The following AHDC1 variants were observed in gnomAD, a reference collection of about 807,000 sequenced individuals.
AHDC1 encodes the protein AT-hook DNA binding motif containing 1, also known as transcription factor Gibbin.
AHDC1 carries 7 observed loss-of-function variants against 87.9 expected under a neutral mutation model. The observed-to-expected ratio is 0.08, with a 90% CI of 0.05 to 0.15. AHDC1 has a LOEUF of 0.15. Ranked by LOEUF, AHDC1 falls within the 10% of genes least tolerant of loss-of-function variation. The pLI, the probability that AHDC1 is intolerant of heterozygous loss-of-function variation, is 1.00. For synonymous variants in AHDC1, 1,051 were observed against 1,006.8 expected, an observed-to-expected ratio of 1.04 and a Z score of -0.83; for missense variants, 1,841 against 2,253.2, an observed-to-expected ratio of 0.82 and a Z score of 3.70.
chr1:27,561,863 T>A lies in AHDC1; in HGVS notation c.-628-2980A>T, dbSNP rs531536211. ...AAACACAAAAGCAGAGACGGACTGG[T>A]GATGAGGGGCTCATGGAAGAAGGGA... On this transcript the variant is annotated intron_variant, in intron 3 of 8. Transcript: ENST00000673934. This position sits in a 1 kb window ranked among gnomAD's most constrained non-coding sequence, Gnocchi z 4.2. Among the ~76,000 whole-genome samples the A allele has an allele frequency of 2.6e-5, 4 of 151,150 alleles. No individual in the cohort carries two copies. The South Asian group carries it at 8.4e-4, about 32-fold the overall frequency.
In AHDC1 at chr1:27,551,605, G is replaced by A. The variant is rs1239415569; in HGVS notation, c.511C>T (p.Pro171Ser). Residue 171 changes from proline to serine, a missense_variant, in exon 8 of 9, where the codon CCC becomes TCC. Physicochemically the swap from Pro to Ser is moderately conservative, Grantham distance 74. Coordinates refer to ENST00000673934, the MANE Select transcript of AHDC1 (RefSeq NM_001371928.1). ...CTACGGATGCTGTTGGCCAAACTGGGTGAGGAGAAGAAGCTGTACTGTAGG... is the reference window on the plus strand; with the variant it reads ...CTACGGATGCTGTTGGCCAAACTGGATGAGGAGAAGAAGCTGTACTGTAGG... The part of the protein sequence containing the change: ...GDLQYSFFSS[P>S]SLANSIRSPE... 1 of 1,611,806 alleles carries A rather than the reference G, an allele frequency of 6.2e-7. No homozygotes were observed. Among genetic ancestry groups the A allele is most frequent in the African/African-American group, 1.3e-5 (1 of 74,872 alleles).
chr1:27,552,374 G>T, intron 7 of AHDC1, 185 bp from the exon 8 acceptor site: 1 of 438,296 alleles, frequency 2.3e-6, no homozygotes, highest in Non-Finnish European at 3.7e-6. Flanking sequence ...CATGTGTATA[G>T]TGAGCCCCTC....
intron 3 of AHDC1, among the ~76,000 whole-genome samples, chr1:27,594,242 G>A (rs2089304356): frequency 6.6e-6 from 1 of 152,074 alleles, no homozygotes; most frequent in Non-Finnish European, 1.5e-5. Context: ...CTGGATTTGG[G>A]GGTGGGGGGT....
intron 8 of AHDC1, among the ~76,000 whole-genome samples, chr1:27,539,214 ACCG>A (rs1372577803): frequency 6.8e-6 from 1 of 147,076 alleles, no homozygotes; most frequent in Non-Finnish European, 1.5e-5. Context: ...ATCGAGGGTC[ACCG>A]CAGCCTCAAA....
At chr1:27,575,364 G>C (rs960346273) in intron 3 of AHDC1, among the ~76,000 whole-genome samples, 1 of 152,088 alleles carries the variant, frequency 6.6e-6, no homozygotes, top group Non-Finnish European at 1.5e-5. Context: ...GCGCAAGCCG[G>C]GAGGGGCGGG....
intron 3 of AHDC1, among the ~76,000 whole-genome samples, chr1:27,597,351 G>A (rs2089403831): frequency 1.3e-5 from 2 of 151,146 alleles, no homozygotes; most frequent in South Asian, 4.2e-4. Context: ...GTGTGTGTGT[G>A]TGTGACAGTG....
intron 3 of AHDC1, among the ~76,000 whole-genome samples, chr1:27,559,091 G>A (rs143899528): frequency 5.1e-4 from 78 of 152,200 alleles, no homozygotes; most frequent in African/African-American, 1.8e-3. Flanking sequence ...TCGTTTTGTG[G>A]CCCAGGTTGG....
At chr1:27,543,904 C>T (rs1355762572) in intron 8 of AHDC1, among the ~76,000 whole-genome samples, 1 of 151,852 alleles carries the variant, frequency 6.6e-6, no homozygotes, top group East Asian at 1.9e-4. Context: ...GATCGTGCCA[C>T]TGCACTCCAG....
intron 3 of AHDC1, among the ~76,000 whole-genome samples, chr1:27,589,719 G>A (rs973967431): frequency 6.6e-6 from 1 of 152,174 alleles, no homozygotes; most frequent in African/African-American, 2.4e-5. Context: ...TGTGTTGGGT[G>A]TGAGGGGTTT....
At chr1:27,553,293 G>A (rs545891003) in intron 5 of AHDC1, 108 bp from the exon 6 acceptor site, 27 of 152,456 alleles carry the variant, frequency 1.8e-4, no homozygotes, top group Admixed American at 1.2e-3. Context: ...TACCAATCCT[G>A]TGAGGTAGGG....
intron 3 of AHDC1, among the ~76,000 whole-genome samples, chr1:27,597,974 GTCTC>G (rs1018331261): frequency 6.6e-6 from 1 of 151,986 alleles, no homozygotes; most frequent in Non-Finnish European, 1.5e-5. Flanking sequence ...CCATCTGTCC[GTCTC>G]TCTCCGTCTG....
intron 8 of AHDC1, among the ~76,000 whole-genome samples, chr1:27,544,752 C>T (rs1336585591): frequency 3.3e-5 from 5 of 152,196 alleles, no homozygotes. Flanking sequence ...AGAGAGGGGG[C>T]AGCCGTCCCA....
chr1:27,602,986 T>TCCCCCCCCCCCCCCCC (rs552714980), intron 3 of AHDC1, among the ~76,000 whole-genome samples: 1 of 69,824 alleles, frequency 1.4e-5, no homozygotes. Context: ...CCCCCTTCAT[T>TCCCCCCCCCCCCCCCC]CCCCCCCCCC....
At chr1:27,536,449 C>G (rs1307273023) in intron 8 of AHDC1, among the ~76,000 whole-genome samples, 1 of 152,112 alleles carries the variant, frequency 6.6e-6, no homozygotes, top group African/African-American at 2.4e-5. Context: ...TAGGGGCGAG[C>G]GGTGTGCCTG....
chr1:27,567,621 C>T (rs189618050), intron 3 of AHDC1, among the ~76,000 whole-genome samples: 1 of 152,302 alleles, frequency 6.6e-6, no homozygotes, highest in Admixed American at 6.5e-5. Context: ...GCACTGAACC[C>T]CACATACTTG....
chr1:27,551,124 G>T lies in AHDC1; in HGVS notation c.992C>A (p.Pro331His). 6.3e-7 allele frequency: 1 copy of T among 1,592,244 alleles called. No individual in the cohort carries two copies. ...PDSLESQLLD[P>H]QALDPLPKLL... ...CTTGGGCAGGGGGTCGAGTGCCTGG[G>T]GGTCAAGCAGCTGCGACTCCAAGGA... Residue 331 changes from proline (P) to histidine (H), a missense_variant, in exon 8 of 9, where the codon CCC (proline) becomes CAC (histidine). Physicochemically the swap from Pro to His is moderately conservative, Grantham distance 77. Coordinates refer to ENST00000673934, the MANE Select transcript of AHDC1 (RefSeq NM_001371928.1).
At chr1:27,566,817 G>A (rs1557683406) in intron 3 of AHDC1, among the ~76,000 whole-genome samples, 1 of 147,516 alleles carries the variant, frequency 6.8e-6, no homozygotes, top group African/African-American at 2.5e-5. Context: ...TGCTAGGGTG[G>A]GGGGAAGAAG....
At chr1:27,538,411 A>AAAAAAAAAAAAAAAAAAAC in intron 8 of AHDC1, among the ~76,000 whole-genome samples, 2 of 149,404 alleles carry the variant, frequency 1.3e-5, no homozygotes, top group Non-Finnish European at 3.0e-5. Flanking sequence ...AAAAAAAAAA[A>AAAAAAAAAAAAAAAAAAAC]AAAAAAACCA....
intron 3 of AHDC1, among the ~76,000 whole-genome samples, chr1:27,586,094 C>G (rs997171840): frequency 2.6e-5 from 4 of 152,168 alleles, no homozygotes; most frequent in Non-Finnish European, 5.9e-5. Context: ...AAAAACTGAC[C>G]CCCAACTTCA....
Sources: allele counts gnomAD v4.1 joint callset (sites outside exome capture counted in the v4.1 genomes callset), GRCh38; gene constraint gnomAD v4.1.1; non-coding constraint Gnocchi (gnomAD v3.1); transcripts MANE v1.5; gene names NCBI Gene and HGNC (gene_info 2026-07-23, HGNC 2026-07-21).